The following PDE11A variants were observed in gnomAD, a reference collection of about 807,000 sequenced individuals.
The protein encoded by PDE11A is dual 3',5'-cyclic-AMP and -GMP phosphodiesterase 11A.
A neutral mutation model predicts 100.5 loss-of-function variants in PDE11A; 100 were observed. The observed-to-expected ratio is 1.00, with a 90% confidence interval of 0.85 to 1.18. The LOEUF is 1.18. Ranked by LOEUF, PDE11A falls within the 50% of genes most tolerant of loss-of-function variation. The pLI is 0.00. For synonymous variants in PDE11A, 381 were observed against 420.8 expected, an observed-to-expected ratio of 0.91 and a Z score of 1.16; for missense variants, 1,141 against 1,152.6, an observed-to-expected ratio of 0.99 and a Z score of 0.15.
At chr2:177,920,090 G>A (rs1355462018) in intron 2 of PDE11A, among the ~76,000 whole-genome samples, 1 of 151,958 alleles carries the variant, frequency 6.6e-6, no homozygotes, top group Non-Finnish European at 1.5e-5. Context: ...ATTAAAGATA[G>A]AATAAAAATA....
At chr2:177,908,462 G>A (rs1461277624) in intron 2 of PDE11A, among the ~76,000 whole-genome samples, 2 of 152,182 alleles carry the variant, frequency 1.3e-5, no homozygotes, top group Admixed American at 1.3e-4. Flanking sequence ...CTGTCAGCAG[G>A]TAGCAGGGCC....
chr2:178,104,969 T>C (rs2087601329), intron 1 of PDE11A, among the ~76,000 whole-genome samples: 1 of 152,116 alleles, frequency 6.6e-6, no homozygotes, highest in Admixed American at 6.5e-5. Context: ...ACTGTAAAAA[T>C]AAAAATTATA....
intron 19 of PDE11A, among the ~76,000 whole-genome samples, chr2:177,647,767 T>C (rs568626774): frequency 2.3e-4 from 35 of 152,272 alleles, no homozygotes; most frequent in African/African-American, 6.5e-4. Context: ...TCCTTTATTA[T>C]GTTGGTGGTC....
chr2:178,018,474 A>ACTTAACACCTTAAAAAGTAATT (rs1009650559), intron 1 of PDE11A: 1 of 509,016 alleles, frequency 2.0e-6, no homozygotes, highest in African/African-American at 1.9e-5. Flanking sequence ...GACCTTTTAG[A>ACTTAACACCTTAAAAAGTAATT]CTTAACACCT....
At chr2:177,631,498 AAAAAAAAAAAAAAAATATAT>A in intron 19 of PDE11A, among the ~76,000 whole-genome samples, 1 of 27,896 alleles carries the variant, frequency 3.6e-5, no homozygotes, top group Non-Finnish European at 6.9e-5. Flanking sequence ...AAAAAAAAAA[AAAAAAAAAAAAAAAATATAT>A]ATATATATAT....
intron 12 of PDE11A, among the ~76,000 whole-genome samples, chr2:177,722,828 C>T (rs75838355): frequency 0.02 from 3,028 of 152,032 alleles, 42 homozygotes; most frequent in South Asian, 0.033. Context: ...ATAATGCTGC[C>T]ATTTATTTTA....
intron 7 of PDE11A, among the ~76,000 whole-genome samples, chr2:177,818,280 A>G (rs188518070): frequency 5.4e-4 from 79 of 146,060 alleles, no homozygotes; most frequent in African/African-American, 1.9e-3. Flanking sequence ...ATATATATAT[A>G]TATTTCAACT....
At chr2:177,737,404 C>G (rs1315284104) in intron 10 of PDE11A, among the ~76,000 whole-genome samples, 2 of 104,542 alleles carry the variant, frequency 1.9e-5, no homozygotes, top group Admixed American at 1.1e-4. Flanking sequence ...CAGTGAAACC[C>G]CGTCTCTACT....
intron 2 of PDE11A, among the ~76,000 whole-genome samples, chr2:177,906,589 GAAGACATAC>G (rs1252510958): frequency 1.3e-5 from 2 of 152,178 alleles, no homozygotes; most frequent in African/African-American, 4.8e-5. Flanking sequence ...TCCGAATTAA[GAAGACATAC>G]AAAAATCAAT....
intron 2 of PDE11A, among the ~76,000 whole-genome samples, chr2:177,912,847 A>G (rs1221576130): frequency 6.6e-6 from 1 of 152,188 alleles, no homozygotes. Context: ...ACTTTTTATA[A>G]CTAGCTATTA....
chr2:177,769,256 A>G lies in PDE11A; in HGVS notation c.1788+67T>C, dbSNP rs2082278018. The G allele has an allele frequency of 2.0e-5, 18 of 891,198 alleles. No homozygotes were observed. The South Asian group carries it at 2.3e-4, about 12-fold the overall frequency. The allele number at this position is 891,198 out of a possible 1,614,324, so 55.2% of individuals were successfully genotyped here. On this transcript the variant is annotated intron_variant, in intron 10 of 19. Coordinates refer to ENST00000286063, the MANE Select transcript of PDE11A (RefSeq NM_016953.4). ...AGGATTAATTCTCTAGAGGCATGTG[A>G]CAGAGCTCAGGAGGCCAGGAGAAGT...
At chr2:177,814,540 A>G (rs971501270) in intron 9 of PDE11A, among the ~76,000 whole-genome samples, 2 of 152,182 alleles carry the variant, frequency 1.3e-5, no homozygotes, top group African/African-American at 4.8e-5. Context: ...TGGCAACACC[A>G]TAATTCTGAC....
At chr2:177,898,613 T>A (rs533991381) in intron 3 of PDE11A, among the ~76,000 whole-genome samples, 1 of 152,214 alleles carries the variant, frequency 6.6e-6, no homozygotes, top group South Asian at 2.1e-4. Flanking sequence ...AAATTACTAA[T>A]GAGCACCAGA....
intron 15 of PDE11A, among the ~76,000 whole-genome samples, chr2:177,694,480 C>T (rs2081082186): frequency 6.6e-6 from 1 of 152,118 alleles, no homozygotes; most frequent in African/African-American, 2.4e-5. Flanking sequence ...GGCCACAAAA[C>T]ATGCAAAATA....
intron 1 of PDE11A, among the ~76,000 whole-genome samples, chr2:178,014,857 T>C (rs2086316335): frequency 7.1e-6 from 1 of 140,996 alleles, no homozygotes; most frequent in Admixed American, 7.7e-5. Flanking sequence ...AGCTACTTTA[T>C]TTCTGGCCAA....
intron 9 of PDE11A, among the ~76,000 whole-genome samples, chr2:177,805,363 C>G (rs751401808): frequency 7.2e-5 from 11 of 151,898 alleles, no homozygotes; most frequent in Non-Finnish European, 1.6e-4. Context: ...ATTCTAAGCT[C>G]TTTAAGGCAG....
intron 2 of PDE11A, among the ~76,000 whole-genome samples, chr2:177,913,562 G>A (rs750152981): frequency 6.6e-6 from 1 of 152,130 alleles, no homozygotes; most frequent in Admixed American, 6.5e-5. Flanking sequence ...GCTAGCATTT[G>A]TAGTGTGTTC....
intron 15 of PDE11A, among the ~76,000 whole-genome samples, chr2:177,690,076 G>A (rs78710660): frequency 6.6e-6 from 1 of 152,278 alleles, no homozygotes; most frequent in African/African-American, 2.4e-5. Context: ...CCATTAAGAA[G>A]TGCTATTTGG....
Position 177,862,104 on chromosome 2 carries a change from A to G in PDE11A, c.1367+13755T>C, listed in dbSNP as rs187635579. ...AAACTTTTGTGCTTCAATAGACACC[A>G]TCAAGAAAGTGAGAAGACAACTCAG... On this transcript the variant is annotated intron_variant, in intron 5 of 19. Transcript: ENST00000286063. Among the ~76,000 whole-genome samples the G allele has an allele frequency of 7.2e-3, 1,102 of 152,022 alleles. 13 individuals carry two copies. The highest frequency in any genetic ancestry group is 0.025 in the African/African-American group (1,026 of 41,544).
Sources: gnomAD v4.1 joint callset for allele counts (sites outside exome capture counted in the v4.1 genomes callset) on GRCh38, gnomAD v4.1.1 for gene constraint, MANE v1.5 for transcripts, NCBI Gene and HGNC (gene_info 2026-07-23, HGNC 2026-07-21) for gene names.